Variants in NCR1 observed in about 807,000 individuals in gnomAD.
NCR1 encodes natural cytotoxicity triggering receptor 1, also known as NK cell-activating receptor.
Under a neutral mutation model 32.5 loss-of-function variants are expected in NCR1, and 30 were observed. The observed-to-expected ratio is 0.92, with a 90% CI of 0.69 to 1.25. The LOEUF (loss-of-function observed/expected upper bound fraction) is 1.25. Among genes scored for constraint, NCR1 ranks in the 50% most tolerant of loss-of-function variants. NCR1 has a pLI of 0.00. For missense variants in NCR1, 369 were observed against 380.7 expected, an observed-to-expected ratio of 0.97 and a Z score of 0.26; for synonymous variants, 169 against 143.4, an observed-to-expected ratio of 1.18 and a Z score of -1.28.
At chr19:54,904,531 C>CTTTTCTTTTCTTTTTTTTTTT (rs1221694096), upstream of NCR1, among the ~76,000 whole-genome samples, 1 of 118,994 alleles carries the variant, frequency 8.4e-6, no homozygotes, top group Non-Finnish European at 1.8e-5. Context: ...GTTTTCTTTT[C>CTTTTCTTTTCTTTTTTTTTTT]TTTTTTTTTT....
the NCR1 span, chr19:54,933,777 C>A: frequency 9.5e-6 from 15 of 1,582,148 alleles, no homozygotes; most frequent in Non-Finnish European, 1.1e-5. Flanking sequence ...AGGATGAGAA[C>A]ATTTCCACAA....
chr19:54,937,644 TC>T, the NCR1 span, among the ~76,000 whole-genome samples: 2 of 151,824 alleles, frequency 1.3e-5, no homozygotes, highest in African/African-American at 2.4e-5. Flanking sequence ...ATGCCTATAA[TC>T]CCAGCACTTT....
chr19:54,906,674 C>A lies in NCR1; in HGVS notation c.222C>A (p.Pro74=). ...GSLFAVDRPK[P]PERINKVQFY... ...TTTTTGCCGTGGACAGACCAAAACC[C>A]CCTGAGCGGATTAACAAAGTCCAAT... Residue 74 remains proline, a synonymous_variant, in exon 3 of 7, where the codon CCC becomes CCA. Transcript: ENST00000291890. The A allele has an allele frequency of 1.9e-6, 3 of 1,614,210 alleles. No individual in the cohort carries two copies. The highest frequency in any genetic ancestry group is 1.7e-6 in the Non-Finnish European group (2 of 1,180,040).
At chr19:54,923,686 C>T in the NCR1 span, 12 of 1,605,246 alleles carry the variant, frequency 7.5e-6, no homozygotes, top group African/African-American at 1.3e-4. Context: ...CATAAGACAT[C>T]TTAGAGACCC....
the NCR1 span, among the ~76,000 whole-genome samples, chr19:54,933,913 G>C: frequency 6.6e-6 from 1 of 152,176 alleles, no homozygotes; most frequent in Non-Finnish European, 1.5e-5. Flanking sequence ...AGAAGGCCAA[G>C]ATGCAGCGGT....
At chr19:54,934,735 A>T in the NCR1 span, 2 of 1,237,660 alleles carry the variant, frequency 1.6e-6, no homozygotes, top group Non-Finnish European at 2.2e-6. The surrounding 1 kb of genome is among the most constrained non-coding windows in gnomAD (Gnocchi z 6.7). Context: ...TTTGAGACAG[A>T]GTTTCACTCT....
intron 5 of NCR1, among the ~76,000 whole-genome samples, 155 bp from the exon 6 acceptor site, chr19:54,912,013 C>T (rs2068000627): frequency 6.6e-6 from 1 of 152,132 alleles, no homozygotes; most frequent in African/African-American, 2.4e-5. Flanking sequence ...TCTGTGGACC[C>T]TTCCACTTTA....
chr19:54,903,462 A>G (rs1420720859), upstream of NCR1, among the ~76,000 whole-genome samples: 6 of 137,154 alleles, frequency 4.4e-5, 1 homozygote, highest in Admixed American at 2.5e-4. Context: ...ACATATATGT[A>G]TGTATACACG....
intron 5 of NCR1, among the ~76,000 whole-genome samples, chr19:54,910,279 T>C (rs587721388): frequency 5.3e-5 from 8 of 152,126 alleles, no homozygotes; most frequent in Admixed American, 2.0e-4. Context: ...CTACTAAAAA[T>C]ACAAAACTTA....
intron 5 of NCR1, 47 bp from the exon 6 acceptor site, chr19:54,912,121 G>A (rs1319555638): frequency 4.6e-6 from 7 of 1,523,162 alleles, no homozygotes; most frequent in East Asian, 2.3e-5. Context: ...GTGCTGGGGT[G>A]GAGGAGGTCA....
chr19:54,914,177 T>C (rs868789358), downstream of NCR1, among the ~76,000 whole-genome samples: 4,092 of 139,878 alleles, frequency 0.029, 176 homozygotes, highest in African/African-American at 0.11. Flanking sequence ...TTTTTTTTTT[T>C]TCTTTTTTTT....
intron 3 of NCR1, among the ~76,000 whole-genome samples, chr19:54,907,954 G>A (rs1457388468): frequency 6.6e-6 from 1 of 151,710 alleles, no homozygotes; most frequent in Non-Finnish European, 1.5e-5. Context: ...GGAGGTTCTG[G>A]CAGGGGAACA....
At chr19:54,904,531 CTTT>C (rs1556717280), upstream of NCR1, among the ~76,000 whole-genome samples, 5 of 118,978 alleles carry the variant, frequency 4.2e-5, no homozygotes, top group Admixed American at 9.2e-5. Flanking sequence ...GTTTTCTTTT[CTTT>C]TTTTTTTTTT....
the NCR1 span, chr19:54,923,997 T>A: frequency 9.9e-7 from 1 of 1,010,388 alleles, no homozygotes; most frequent in Non-Finnish European, 1.5e-6. Flanking sequence ...GGACAGGGTC[T>A]TGCTCTGTTG....
At chr19:54,925,673 G>A in the NCR1 span, among the ~76,000 whole-genome samples, 2 of 152,038 alleles carry the variant, frequency 1.3e-5, no homozygotes, top group Non-Finnish European at 2.9e-5. Context: ...AAAGACAAAG[G>A]CAAGAAGAAA....
chr19:54,919,570 G>C (rs1277570888), downstream of NCR1, among the ~76,000 whole-genome samples: 1 of 152,126 alleles, frequency 6.6e-6, no homozygotes. Flanking sequence ...CATGAAGGCG[G>C]ACTAGGAGCG....
At chr19:54,936,804 A>G in the NCR1 span, among the ~76,000 whole-genome samples, 3 of 152,088 alleles carry the variant, frequency 2.0e-5, no homozygotes, top group Admixed American at 1.3e-4. Context: ...AGTCCCAGGT[A>G]TTCGGGAGGC....
At chr19:54,921,772 CAAAAA>C in the NCR1 span, among the ~76,000 whole-genome samples, 4,699 of 93,810 alleles carry the variant, frequency 0.05, 79 homozygotes, top group African/African-American at 0.059. Context: ...GACTCCATCT[CAAAAA>C]AAAAAAAAAA....
At chr19:54,934,642 G>A in the NCR1 span, 1 of 1,613,472 alleles carries the variant, frequency 6.2e-7, no homozygotes, top group Non-Finnish European at 8.5e-7. This position sits in a 1 kb window ranked among gnomAD's most constrained non-coding sequence, Gnocchi z 6.7. Context: ...CTCCGGGGTG[G>A]CACAGTGACC....
Sources: allele counts gnomAD v4.1 joint callset (sites outside exome capture counted in the v4.1 genomes callset), GRCh38; gene constraint gnomAD v4.1.1; non-coding constraint Gnocchi (gnomAD v3.1); transcripts MANE v1.5; gene names NCBI Gene and HGNC (gene_info 2026-07-23, HGNC 2026-07-21).